The following RASGEF1C variants were observed in gnomAD, a reference collection of about 807,000 sequenced individuals.
RASGEF1C encodes RasGEF domain family member 1C.
A neutral mutation model predicts 58.1 loss-of-function variants in RASGEF1C; 27 were observed. The ratio of observed to expected loss-of-function variants is 0.46; its 90% CI spans 0.34 to 0.64. RASGEF1C has a LOEUF of 0.64. RASGEF1C is among the 30% of genes least tolerant of loss of function. The probability of loss-of-function intolerance (pLI) is 0.01; values close to 1 mark genes in which losing one functional copy is unlikely to be tolerated. For missense variants in RASGEF1C, 502 were observed against 605.1 expected (o/e 0.83, Z 1.79); for synonymous variants, 243 against 246.3 (o/e 0.99, Z 0.13).
chr5:180,206,938 G>C (rs1756499607), intron 1 of RASGEF1C, among the ~76,000 whole-genome samples: 1 of 152,196 alleles, frequency 6.6e-6, no homozygotes, highest in Admixed American at 6.5e-5. Flanking sequence ...AATGGTGTGG[G>C]AACAAGGAAG....
intron 1 of RASGEF1C, among the ~76,000 whole-genome samples, chr5:180,184,902 C>A (rs1561755048): frequency 6.6e-6 from 1 of 152,156 alleles, no homozygotes; most frequent in African/African-American, 2.4e-5. Context: ...ATACATGAAG[C>A]AAGAACTGAT....
At chr5:180,161,428 C>T (rs1766942312) in intron 1 of RASGEF1C, among the ~76,000 whole-genome samples, 1 of 152,338 alleles carries the variant, frequency 6.6e-6, no homozygotes, top group Non-Finnish European at 1.5e-5. Context: ...GCCCCGGCGA[C>T]ACGAGGAGCC....
At chr5:180,103,884 A>G (rs1429133607) in intron 12 of RASGEF1C, among the ~76,000 whole-genome samples, 2 of 152,214 alleles carry the variant, frequency 1.3e-5, no homozygotes. Flanking sequence ...TTTACCATAA[A>G]TGCGTGTAGA....
In RASGEF1C at chr5:180,209,129, CCGCCGCCG is replaced by C. The variant is rs1185891913; in HGVS notation, c.-116_-109del. 6.0e-5 allele frequency: 1 copy of C among 16,764 alleles called. No individual in the cohort carries two copies. The highest frequency in any genetic ancestry group is 1.3e-4 in the Non-Finnish European group (1 of 7,506). The allele number at this position is 16,764 out of a possible 1,614,324, so 1.0% of individuals were successfully genotyped here. ...GCGCCGCCCGCCGCCGCCGCCGCCG[CCGCCGCCG>C]CCGCCGCCGCCGCCCGACCGCCCGG... On this transcript the variant is annotated 5_prime_UTR_variant, in exon 1 of 14. Transcript: ENST00000361132.
intron 1 of RASGEF1C, among the ~76,000 whole-genome samples, chr5:180,151,591 G>A (rs1449149395): frequency 1.3e-5 from 2 of 151,912 alleles, no homozygotes; most frequent in Non-Finnish European, 2.9e-5. Flanking sequence ...AGACTTAAAT[G>A]TTAGACCTAA....
At chr5:180,152,868 G>A (rs536315163) in intron 1 of RASGEF1C, among the ~76,000 whole-genome samples, 6 of 138,612 alleles carry the variant, frequency 4.3e-5, no homozygotes, top group South Asian at 2.2e-4. Context: ...CCGAGATTGC[G>A]CCACTGCACT....
Position 180,135,575 on chromosome 5 carries a change from G to T in RASGEF1C, c.438+803C>A, listed in dbSNP as rs556491174. Among the ~76,000 whole-genome samples, 9 of 152,324 alleles carry T rather than the reference G, an allele frequency of 5.9e-5. No homozygotes were observed. In the East Asian group the frequency reaches 1.5e-3, roughly 26 times the overall value. ...GCCCCTTCTAAACACACCAGGAGAC[G>T]TCTAGCTCCATAATCCTGGGAGGTG... is the stretch of plus-strand genomic sequence containing the variant. On this transcript the variant is annotated intron_variant, in intron 4 of 13. Transcript: ENST00000361132.
intron 1 of RASGEF1C, among the ~76,000 whole-genome samples, chr5:180,195,781 A>G (rs1756264146): frequency 6.6e-6 from 1 of 151,960 alleles, no homozygotes; most frequent in African/African-American, 2.4e-5. Flanking sequence ...AAGAAAAAAA[A>G]AAAAAGAAAA....
intron 11 of RASGEF1C, among the ~76,000 whole-genome samples, chr5:180,113,418 T>C (rs1465556656): frequency 3.4e-5 from 1 of 29,140 alleles, no homozygotes; most frequent in Admixed American, 3.9e-4. Flanking sequence ...GACGGAGGGA[T>C]CGGGGATGGA....
At chr5:180,199,883 C>T (rs908716259) in intron 1 of RASGEF1C, among the ~76,000 whole-genome samples, 4 of 152,054 alleles carry the variant, frequency 2.6e-5, no homozygotes, top group Admixed American at 6.6e-5. Flanking sequence ...GAAGAATTTC[C>T]GTGTTCTAAG....
At chr5:180,190,404 G>C (rs1376868691) in intron 1 of RASGEF1C, among the ~76,000 whole-genome samples, 19 of 149,770 alleles carry the variant, frequency 1.3e-4, no homozygotes, top group Non-Finnish European at 2.5e-4. Context: ...GCAGGAGAGT[G>C]GCGTGAACCT....
intron 1 of RASGEF1C, among the ~76,000 whole-genome samples, chr5:180,157,640 A>AC (rs1455020519): frequency 6.7e-6 from 1 of 150,068 alleles, no homozygotes; most frequent in Non-Finnish European, 1.5e-5. Flanking sequence ...AAAAAAAAAA[A>AC]CAACAAAAAT....
At chr5:180,153,675 A>G (rs779333675) in intron 1 of RASGEF1C, among the ~76,000 whole-genome samples, 34 of 152,166 alleles carry the variant, frequency 2.2e-4, no homozygotes, top group Admixed American at 1.3e-3. Flanking sequence ...ATAGCATCTT[A>G]TTCGTTCTAA....
intron 4 of RASGEF1C, among the ~76,000 whole-genome samples, chr5:180,128,839 G>C (rs1766312714): frequency 6.6e-6 from 1 of 152,166 alleles, no homozygotes; most frequent in African/African-American, 2.4e-5. Flanking sequence ...AGGCTGCAGG[G>C]CTTCCCATCT....
At chr5:180,152,629 G>A (rs1296807988) in intron 1 of RASGEF1C, among the ~76,000 whole-genome samples, 1 of 148,852 alleles carries the variant, frequency 6.7e-6, no homozygotes, top group Non-Finnish European at 1.5e-5. Context: ...CGAGTTAATG[G>A]GTGCAGCACA....
chr5:180,119,558 T>C, intron 7 of RASGEF1C, 110 bp from the exon 8 acceptor site: 1 of 738,312 alleles, frequency 1.4e-6, no homozygotes, highest in Non-Finnish European at 2.3e-6. Context: ...ATTGCACAGC[T>C]GAGGCACTTG....
intron 4 of RASGEF1C, among the ~76,000 whole-genome samples, chr5:180,132,829 C>T (rs983396514): frequency 9.9e-5 from 15 of 152,252 alleles, no homozygotes; most frequent in Admixed American, 2.6e-4. Context: ...ATTAGCTGGG[C>T]GTGGTGGCGC....
chr5:180,127,366 T>G (rs114292359), intron 6 of RASGEF1C, among the ~76,000 whole-genome samples: 4,470 of 152,252 alleles, frequency 0.029, 221 homozygotes, highest in African/African-American at 0.1. Flanking sequence ...CCACTCCTCC[T>G]CCCTCGCTGG....
chr5:180,171,954 G>A (rs550438474), intron 1 of RASGEF1C, among the ~76,000 whole-genome samples: 1 of 152,270 alleles, frequency 6.6e-6, no homozygotes, highest in South Asian at 2.1e-4. Flanking sequence ...GTGGGCTCAC[G>A]AGACCCATGC....
Sources: gnomAD v4.1 joint callset for allele counts (sites outside exome capture counted in the v4.1 genomes callset) on GRCh38, gnomAD v4.1.1 for gene constraint, MANE v1.5 for transcripts, NCBI Gene and HGNC (gene_info 2026-07-23, HGNC 2026-07-21) for gene names.